Variants in PPIL6 observed in about 807,000 individuals in gnomAD.
PPIL6 encodes the protein probable inactive peptidyl-prolyl cis-trans isomerase-like 6.
A neutral mutation model predicts 36.8 loss-of-function variants in PPIL6; 39 were observed. The ratio of observed to expected loss-of-function variants is 1.06; its 90% CI spans 0.82 to 1.38. The LOEUF is 1.38. Ranked by LOEUF, PPIL6 falls within the 40% of genes most tolerant of loss-of-function variation. The pLI is 0.00. For missense variants in PPIL6, 368 were observed against 379.1 expected (o/e 0.97, Z 0.24); for synonymous variants, 123 against 134.1 (o/e 0.92, Z 0.57).
upstream of PPIL6, chr6:109,440,841 A>G (rs913141498): frequency 2.8e-4 from 121 of 437,288 alleles, no homozygotes; most frequent in Non-Finnish European, 4.2e-4. Flanking sequence ...CCGGACCCCC[A>G]GGGTCCTAGC....
chr6:109,403,698 C>T (rs942298071), intron 6 of PPIL6, among the ~76,000 whole-genome samples: 1 of 152,074 alleles, frequency 6.6e-6, no homozygotes, highest in African/African-American at 2.4e-5. Flanking sequence ...AACAGACTTT[C>T]CCTAGGTTAA....
At chr6:109,432,266 G>A (rs1256316522) in intron 2 of PPIL6, among the ~76,000 whole-genome samples, 1 of 152,130 alleles carries the variant, frequency 6.6e-6, no homozygotes, top group East Asian at 1.9e-4. Context: ...GGTCAACAGG[G>A]ATTTCTGGGG....
intron 2 of PPIL6, among the ~76,000 whole-genome samples, chr6:109,433,956 AG>A (rs1246275087): frequency 1.3e-5 from 2 of 152,146 alleles, no homozygotes; most frequent in Non-Finnish European, 2.9e-5. Flanking sequence ...CTGAAAGGGG[AG>A]GGAAACTGGG....
intron 5 of PPIL6, among the ~76,000 whole-genome samples, chr6:109,421,013 G>C (rs996291871): frequency 6.6e-6 from 1 of 152,162 alleles, no homozygotes; most frequent in African/African-American, 2.4e-5. Flanking sequence ...TCTGGAAATG[G>C]GGAAGCTGAG....
chr6:109,422,543 T>C (rs1461459942), intron 5 of PPIL6, among the ~76,000 whole-genome samples: 1 of 152,186 alleles, frequency 6.6e-6, no homozygotes. Context: ...CGAGCTGTGA[T>C]TGTGCCACTG....
At chr6:109,399,171 G>A (rs1271949721) in intron 7 of PPIL6, among the ~76,000 whole-genome samples, 3 of 152,076 alleles carry the variant, frequency 2.0e-5, no homozygotes, top group Non-Finnish European at 2.9e-5. Context: ...GCAGTGGCAC[G>A]ATCTCGGCTC....
chr6:109,440,859 C>G (rs914597017), upstream of PPIL6: 5 of 525,254 alleles, frequency 9.5e-6, no homozygotes, highest in Middle Eastern at 5.1e-4. Flanking sequence ...AGCGCGCGGC[C>G]CTTACCGAGC....
chr6:109,439,458 G>A (rs961356629), intron 1 of PPIL6, among the ~76,000 whole-genome samples: 2 of 152,148 alleles, frequency 1.3e-5, no homozygotes, highest in Non-Finnish European at 2.9e-5. Flanking sequence ...CCGGGTTCAA[G>A]CGATTCTTGT....
At chr6:109,406,314 A>G (rs979530274) in intron 6 of PPIL6, among the ~76,000 whole-genome samples, 7 of 151,870 alleles carry the variant, frequency 4.6e-5, no homozygotes, top group South Asian at 2.1e-4. Context: ...AGTCTCCCAC[A>G]GTGCTGGGAT....
chr6:109,396,759 A>G (rs762449582), intron 7 of PPIL6, among the ~76,000 whole-genome samples: 35 of 151,878 alleles, frequency 2.3e-4, no homozygotes, highest in Non-Finnish European at 4.6e-4. Flanking sequence ...TTCTTTCCCT[A>G]TGAGCCCACT....
Position 109,392,709 on chromosome 6 carries a change from C to G in PPIL6, c.*117G>C, listed in dbSNP as rs1772139589. The G allele has an allele frequency of 1.6e-6, 1 of 632,348 alleles. No individual in the cohort carries two copies. The highest frequency in any genetic ancestry group is 2.7e-6 in the Non-Finnish European group (1 of 366,750). 39.2% of individuals were successfully genotyped at this position (632,348 alleles called of 1,614,324 possible). ...AGGGATTGGGTGTAGATGAGGCAACCTACAGTGTCTGCCACGGCTTTCAAA... is the reference window on the plus strand; with the variant it reads ...AGGGATTGGGTGTAGATGAGGCAACGTACAGTGTCTGCCACGGCTTTCAAA... On this transcript the variant is annotated 3_prime_UTR_variant, in exon 8 of 8. Transcript: ENST00000521072.
At chr6:109,437,573 G>C (rs1201282486) in intron 1 of PPIL6, among the ~76,000 whole-genome samples, 1 of 35,718 alleles carries the variant, frequency 2.8e-5, no homozygotes, top group Non-Finnish European at 7.2e-5. Flanking sequence ...TTTTTTTTTT[G>C]AGACGGAGTC....
chr6:109,404,857 G>C (rs1232575531), intron 6 of PPIL6: 1 of 177,532 alleles, frequency 5.6e-6, no homozygotes, highest in Non-Finnish European at 1.2e-5. Context: ...TTTGAGACCA[G>C]CCTGACCACC....
At chr6:109,416,732 T>C (rs959810219) in intron 6 of PPIL6, among the ~76,000 whole-genome samples, 9 of 152,218 alleles carry the variant, frequency 5.9e-5, no homozygotes, top group African/African-American at 2.2e-4. Context: ...TATCCAGTTT[T>C]AGATCTTTTA....
At chr6:109,411,377 T>C (rs560346959) in intron 6 of PPIL6, among the ~76,000 whole-genome samples, 2 of 152,318 alleles carry the variant, frequency 1.3e-5, no homozygotes, top group South Asian at 4.1e-4. Flanking sequence ...GCAAATGCAG[T>C]TCTCATTAAC....
chr6:109,424,966 T>C (rs1442545658), intron 5 of PPIL6, among the ~76,000 whole-genome samples: 2 of 152,236 alleles, frequency 1.3e-5, no homozygotes, highest in Admixed American at 6.5e-5. Context: ...TTTACTTTCC[T>C]AATAAACTTA....
chr6:109,410,460 G>A (rs553266999), intron 6 of PPIL6, among the ~76,000 whole-genome samples: 1 of 152,154 alleles, frequency 6.6e-6, no homozygotes, highest in Non-Finnish European at 1.5e-5. Context: ...CCAGGATAGA[G>A]AGTTCTGTCT....
rs2115267632 is a variant in PPIL6 at position 109,427,611 on chromosome 6, T to C, written c.421-455A>G. Among the ~76,000 whole-genome samples the C allele has an allele frequency of 2.0e-5, 3 of 152,272 alleles. No individual in the cohort carries two copies. The South Asian group carries it at 6.2e-4, about 32-fold the overall frequency. ...CACGTTGCCCAGGGTGGTCTCGAAC[T>C]CCTGAGCTCAAGGGATCGCCTACCT... On this transcript the variant is annotated intron_variant, in intron 3 of 7. Coordinates refer to ENST00000521072, the MANE Select transcript of PPIL6 (RefSeq NM_173672.5).
intron 3 of PPIL6, among the ~76,000 whole-genome samples, chr6:109,430,583 C>T (rs1352632624): frequency 9.2e-5 from 14 of 152,164 alleles, no homozygotes; most frequent in African/African-American, 1.4e-4. Flanking sequence ...CACGCCACCA[C>T]GCCCAGCTAA....
Sources: gnomAD v4.1 joint callset for allele counts (sites outside exome capture counted in the v4.1 genomes callset) on GRCh38, gnomAD v4.1.1 for gene constraint, MANE v1.5 for transcripts, NCBI Gene and HGNC (gene_info 2026-07-23, HGNC 2026-07-21) for gene names.